NUP98: variants seen among roughly 807,000 people sequenced by gnomAD.
NUP98 encodes the protein nucleoporin 98 and 96 precursor.
A neutral mutation model predicts 191.9 loss-of-function variants in NUP98; 26 were observed. The observed-to-expected ratio is 0.14, with a 90% CI of 0.10 to 0.19. The LOEUF (loss-of-function observed/expected upper bound fraction) is 0.19, where lower values mean the gene tolerates loss of function less well. Ranked by LOEUF, NUP98 falls within the 10% of genes least tolerant of loss-of-function variation. The pLI, the probability that NUP98 is intolerant of heterozygous loss-of-function variation, is 1.00. For missense variants in NUP98, 1,941 were observed against 2,178.8 expected (o/e 0.89, Z 2.17); for synonymous variants, 808 against 778.4 (o/e 1.04, Z -0.63).
chr11:3,719,046 G>T (rs1039197716), intron 18 of NUP98, among the ~76,000 whole-genome samples: 1 of 151,864 alleles, frequency 6.6e-6, no homozygotes, highest in Non-Finnish European at 1.5e-5. Flanking sequence ...CTTGAACCCG[G>T]GAGTCGGAGG....
At chr11:3,759,046 T>A (rs2081074590) in intron 10 of NUP98, among the ~76,000 whole-genome samples, 1 of 152,200 alleles carries the variant, frequency 6.6e-6, no homozygotes, top group Non-Finnish European at 1.5e-5. Flanking sequence ...AATAGATGTT[T>A]AATATGATCT....
chr11:3,721,909 A>G (rs1245871233), intron 16 of NUP98, among the ~76,000 whole-genome samples: 4 of 152,120 alleles, frequency 2.6e-5, no homozygotes, highest in East Asian at 1.9e-4. Context: ...TTTCAGGCCA[A>G]CATCAGACCA....
At chr11:3,677,342 A>G (rs925862849) in intron 31 of NUP98, among the ~76,000 whole-genome samples, 1 of 151,662 alleles carries the variant, frequency 6.6e-6, no homozygotes, top group Non-Finnish European at 1.5e-5. Flanking sequence ...GGAGATTTAC[A>G]TGGTGACATG....
At chr11:3,764,512 T>A (rs2081274978) in intron 8 of NUP98, among the ~76,000 whole-genome samples, 1 of 152,194 alleles carries the variant, frequency 6.6e-6, no homozygotes, top group African/African-American at 2.4e-5. Context: ...ACCACCAAAC[T>A]GTTTTCTAAA....
At chr11:3,691,095 A>G (rs898754966) in intron 28 of NUP98, among the ~76,000 whole-genome samples, 14 of 152,242 alleles carry the variant, frequency 9.2e-5, no homozygotes, top group Admixed American at 9.2e-4. Flanking sequence ...ACAATGCGAT[A>G]GTTACTATAA....
intron 10 of NUP98, among the ~76,000 whole-genome samples, chr11:3,753,976 T>TA (rs1185796621): frequency 6.6e-6 from 1 of 151,098 alleles, no homozygotes; most frequent in African/African-American, 2.4e-5. Context: ...TAAAATAAAA[T>TA]AAAGAAATAT....
At chr11:3,776,566 C>T (rs11029728) in intron 4 of NUP98, among the ~76,000 whole-genome samples, 14,333 of 151,472 alleles carry the variant, frequency 0.095, 1,162 homozygotes, top group African/African-American at 0.21. Flanking sequence ...TCACTGCAAC[C>T]TCCACCTCCC....
chr11:3,779,285 A>G, intron 2 of NUP98, 28 bp from the exon 3 acceptor site: 1 of 1,500,912 alleles, frequency 6.7e-7, no homozygotes, highest in Non-Finnish European at 9.3e-7. Context: ...AGAGTAAATT[A>G]GAATTTAGAA....
chr11:3,707,832 G>A (rs1196948237), intron 20 of NUP98, among the ~76,000 whole-genome samples: 3 of 151,720 alleles, frequency 2.0e-5, no homozygotes, highest in African/African-American at 2.4e-5. Context: ...TGGTCATGGT[G>A]GCTCACACCC....
chr11:3,715,596 T>C (rs1048789940), intron 18 of NUP98, among the ~76,000 whole-genome samples: 1 of 152,198 alleles, frequency 6.6e-6, no homozygotes, highest in Non-Finnish European at 1.5e-5. Context: ...CAATATTTTC[T>C]TCTTTTTTGA....
At chr11:3,773,859 G>T in intron 5 of NUP98, 120 bp from the exon 6 acceptor site, 1 of 552,904 alleles carries the variant, frequency 1.8e-6, no homozygotes, top group Non-Finnish European at 3.2e-6. Flanking sequence ...ATACTGAGAT[G>T]GTTTCAAGGG....
At position 3,763,025 on chromosome 11, in the gene NUP98, T is replaced by C; in HGVS notation, c.963A>G (p.Val321=). The C allele has an allele frequency of 6.2e-7, 1 of 1,614,082 alleles. No homozygotes were observed. Among genetic ancestry groups the C allele is most frequent in the Non-Finnish European group, 8.5e-7 (1 of 1,180,000 alleles). The part of the protein sequence containing the change: ...PSTNTMGLFG[V]TQASQPGGLF... ...GACCTCCAGGCTGTGAGGCTTGGGT[T>C]ACTCCAAATAATCCCTGCAAAGAAG... The change falls in exon 9 of 33, where the codon GTA becomes GTG. Residue 321 remains valine, a synonymous_variant. Coordinates refer to ENST00000324932, the MANE Select transcript of NUP98 (RefSeq NM_016320.5).
chr11:3,759,172 G>A (rs751708622), intron 10 of NUP98, among the ~76,000 whole-genome samples: 12 of 152,174 alleles, frequency 7.9e-5, no homozygotes, highest in Non-Finnish European at 1.5e-4. Context: ...AGTGCCTAGT[G>A]ATGTATCTGG....
At chr11:3,690,412 A>G (rs2078276256) in intron 28 of NUP98, among the ~76,000 whole-genome samples, 1 of 151,818 alleles carries the variant, frequency 6.6e-6, no homozygotes, top group South Asian at 2.1e-4. Flanking sequence ...GGCGCCCGCC[A>G]CCACGTCCAG....
chr11:3,734,335 T>A (rs2079965744), intron 13 of NUP98, among the ~76,000 whole-genome samples: 1 of 152,128 alleles, frequency 6.6e-6, no homozygotes, highest in African/African-American at 2.4e-5. Flanking sequence ...GCCGGGCAGA[T>A]CCCATTTCTT....
rs183048374 is a variant in NUP98, at chr11:3,768,094, G to A, written c.948+487C>T. On this transcript the variant is annotated intron_variant, in intron 8 of 32. Coordinates refer to ENST00000324932, the MANE Select transcript of NUP98 (RefSeq NM_016320.5). ...AGCATCTCAACAAGTAAAGAGTAGA[G>A]CCCAGGCTAGAATCTAGGTCTTAAT... Among the ~76,000 whole-genome samples, 6 of 152,206 alleles carry A rather than the reference G, an allele frequency of 3.9e-5. No homozygotes were observed. In the East Asian group the frequency reaches 1.2e-3, roughly 29 times the overall value.
chr11:3,697,619 G>A (rs2078548423), intron 25 of NUP98, among the ~76,000 whole-genome samples: 1 of 151,916 alleles, frequency 6.6e-6, no homozygotes, highest in Non-Finnish European at 1.5e-5. Flanking sequence ...GACCACCCTG[G>A]CCAACATGGC....
At chr11:3,791,687 AC>A (rs1409598515) in intron 1 of NUP98, among the ~76,000 whole-genome samples, 3 of 151,628 alleles carry the variant, frequency 2.0e-5, no homozygotes, top group Admixed American at 2.0e-4. Context: ...TGCTAAAAAT[AC>A]AAAAATTAGC....
intron 12 of NUP98, among the ~76,000 whole-genome samples, chr11:3,743,655 A>C (rs1405149343): frequency 2.6e-5 from 4 of 151,614 alleles, no homozygotes; most frequent in African/African-American, 9.7e-5. Flanking sequence ...TCAAAAAAAA[A>C]AAAAAAAAAA....
Sources: gnomAD v4.1 joint callset for allele counts (sites outside exome capture counted in the v4.1 genomes callset) on GRCh38, gnomAD v4.1.1 for gene constraint, MANE v1.5 for transcripts, NCBI Gene and HGNC (gene_info 2026-07-23, HGNC 2026-07-21) for gene names.